SPOCK3: variants seen among roughly 807,000 people sequenced by gnomAD.
The protein encoded by SPOCK3 is testican-3.
Under a neutral mutation model 56.6 loss-of-function variants are expected in SPOCK3, and 30 were observed. That is an observed-to-expected ratio of 0.53 (90% CI 0.40 to 0.72). The LOEUF (loss-of-function observed/expected upper bound fraction) is 0.72, where lower values mean the gene tolerates loss of function less well. Among genes scored for constraint, SPOCK3 ranks in the 30% least tolerant of loss-of-function variants. The probability of loss-of-function intolerance (pLI) is 0.00; values close to 1 mark genes in which losing one functional copy is unlikely to be tolerated. For missense variants in SPOCK3, 527 were observed against 530.0 expected (o/e 0.99, Z 0.06); for synonymous variants, 196 against 183.3 (o/e 1.07, Z -0.56).
chr4:167,158,000 A>C (rs1191921119), intron 2 of SPOCK3, among the ~76,000 whole-genome samples: 2 of 151,984 alleles, frequency 1.3e-5, no homozygotes, highest in Non-Finnish European at 2.9e-5. Context: ...TTAAATGGCA[A>C]ATATGTTTGA....
intron 2 of SPOCK3, among the ~76,000 whole-genome samples, chr4:167,092,369 C>T (rs182690675): frequency 2.0e-5 from 3 of 152,246 alleles, no homozygotes; most frequent in Admixed American, 6.5e-5. Flanking sequence ...CCTTCTGTAA[C>T]GAAGGGTCCC....
At chr4:167,116,588 A>G (rs985431853) in intron 2 of SPOCK3, among the ~76,000 whole-genome samples, 18 of 138,488 alleles carry the variant, frequency 1.3e-4, no homozygotes, top group African/African-American at 3.9e-4. Context: ...ATAGTTTTGT[A>G]TATATATACA....
chr4:167,205,411 TA>T (rs1734103649), intron 2 of SPOCK3, among the ~76,000 whole-genome samples: 2 of 50,082 alleles, frequency 4.0e-5, no homozygotes, highest in Admixed American at 3.9e-4. Flanking sequence ...ATATATTATA[TA>T]TTAAATATAT....
rs530254825 is a variant in SPOCK3, at chr4:166,929,285, G to T, written c.351-16542C>A. ...AGTGCTCTGAGAATACTAGTTTAGG[G>T]GTAATTTCCTATTTCTTCCCACTGC... is the stretch of plus-strand genomic sequence containing the variant. On this transcript the variant is annotated intron_variant, in intron 4 of 10. Transcript: ENST00000357545. Among the ~76,000 whole-genome samples the T allele has an allele frequency of 2.0e-5, 3 of 152,216 alleles. 1 individual carries two copies. The East Asian group carries it at 5.8e-4, about 29-fold the overall frequency.
At chr4:166,944,813 AT>A (rs1741523644) in intron 4 of SPOCK3, among the ~76,000 whole-genome samples, 1 of 152,166 alleles carries the variant, frequency 6.6e-6, no homozygotes, top group Non-Finnish European at 1.5e-5. Flanking sequence ...CTCTAAAGTT[AT>A]TCATTTCCCT....
At chr4:167,125,414 A>G (rs1161857391) in intron 2 of SPOCK3, among the ~76,000 whole-genome samples, 2 of 138,040 alleles carry the variant, frequency 1.4e-5, no homozygotes. Context: ...ACGGTGCTTA[A>G]AAAAAAAAAA....
chr4:166,961,471 G>T (rs1165185396), intron 4 of SPOCK3, among the ~76,000 whole-genome samples: 2 of 151,526 alleles, frequency 1.3e-5, no homozygotes, highest in East Asian at 3.9e-4. Context: ...TGTTCAGCTT[G>T]TCTCTTGAAT....
At position 167,174,420 on chromosome 4, in the gene SPOCK3, T is replaced by C. The variant is rs544252627; in HGVS notation, c.189+59565A>G. Among the ~76,000 whole-genome samples, 7 of 145,720 alleles carry C rather than the reference T, an allele frequency of 4.8e-5. 1 individual carries two copies. The highest frequency in any genetic ancestry group is 1.9e-4 in the African/African-American group (7 of 37,298). On this transcript the variant is annotated intron_variant, in intron 2 of 10. Transcript: ENST00000357545. ...TACTAGTTATACATACACTACAGAT[T>C]ATACTCTAAAATTTTGAAAAAAAAA...
intron 7 of SPOCK3, among the ~76,000 whole-genome samples, chr4:166,771,009 A>G (rs1738864792): frequency 6.7e-6 from 1 of 149,496 alleles, no homozygotes; most frequent in South Asian, 2.1e-4. Context: ...TATATATACA[A>G]TGCTATATAT....
chr4:167,143,945 T>G (rs1763732456), intron 2 of SPOCK3, among the ~76,000 whole-genome samples: 1 of 151,954 alleles, frequency 6.6e-6, no homozygotes, highest in African/African-American at 2.4e-5. Context: ...AGCAGAGGGT[T>G]TAAAAGTCAC....
At chr4:166,881,414 C>T (rs1257880022) in intron 6 of SPOCK3, among the ~76,000 whole-genome samples, 2 of 151,842 alleles carry the variant, frequency 1.3e-5, no homozygotes, top group African/African-American at 4.8e-5. Context: ...TAGAATTGTA[C>T]ATACAGTGTC....
chr4:166,858,674 C>T lies in SPOCK3; in HGVS notation c.589+30456G>A, dbSNP rs527468956. 1.7e-3 allele frequency among the ~76,000 whole-genome samples: 253 copies of T among 152,146 alleles called. 1 individual carries two copies. Among genetic ancestry groups the T allele is most frequent in the Admixed American group, 7.5e-3 (114 of 15,270 alleles). The stretch of plus-strand genomic sequence containing the variant: ...GTGATCATACATGTGGAATGGAGAT[C>T]ATTTACTAAAATTGAAAATAAAATA... On this transcript the variant is annotated intron_variant, in intron 6 of 10. Coordinates refer to ENST00000357545, the MANE Select transcript of SPOCK3 (RefSeq NM_001040159.2).
chr4:166,879,690 G>A (rs759158153), intron 6 of SPOCK3, among the ~76,000 whole-genome samples: 2 of 152,122 alleles, frequency 1.3e-5, no homozygotes, highest in African/African-American at 2.4e-5. Flanking sequence ...GGGAATGGGG[G>A]ATGGAAGACC....
intron 2 of SPOCK3, among the ~76,000 whole-genome samples, chr4:167,074,044 A>G (rs925998329): frequency 1.3e-5 from 2 of 150,900 alleles, no homozygotes; most frequent in Admixed American, 6.6e-5. Flanking sequence ...CAAATAATCA[A>G]CACACTTTCT....
chr4:166,786,987 C>T (rs1184903546), intron 7 of SPOCK3, among the ~76,000 whole-genome samples: 1 of 152,136 alleles, frequency 6.6e-6, no homozygotes, highest in Non-Finnish European at 1.5e-5. Context: ...ATGTGCCAAG[C>T]AGCTCAGCAC....
intron 2 of SPOCK3, among the ~76,000 whole-genome samples, chr4:167,156,123 G>A (rs1764801212): frequency 1.3e-5 from 2 of 152,104 alleles, no homozygotes; most frequent in Admixed American, 6.6e-5. Context: ...TAGTCAATAT[G>A]AGTTGAGATA....
At position 166,858,190 on chromosome 4, in the gene SPOCK3, A is replaced by G. The variant is rs549711895; in HGVS notation, c.589+30940T>C. Among the ~76,000 whole-genome samples the G allele has an allele frequency of 2.6e-5, 4 of 152,302 alleles. No individual in the cohort carries two copies. In the South Asian group the frequency reaches 6.2e-4, roughly 24 times the overall value. ...CATTTCAGACCCAATTTAATACCAC[A>G]TAGATAAGAGTTAGTATCTGGCAGC... On this transcript the variant is annotated intron_variant, in intron 6 of 10. Transcript: ENST00000357545.
chr4:166,916,980 TAA>T (rs2127116593), intron 4 of SPOCK3, among the ~76,000 whole-genome samples: 1 of 152,170 alleles, frequency 6.6e-6, no homozygotes, highest in African/African-American at 2.4e-5. Flanking sequence ...GGTTGGATGT[TAA>T]AAGAGAGAGC....
chr4:166,796,389 C>A (rs756343149), intron 6 of SPOCK3, among the ~76,000 whole-genome samples: 43 of 152,252 alleles, frequency 2.8e-4, no homozygotes, highest in Non-Finnish European at 4.6e-4. Flanking sequence ...AGTTTCAAAT[C>A]AGAGGCAGAG....
Sources: allele counts gnomAD v4.1 joint callset (sites outside exome capture counted in the v4.1 genomes callset), GRCh38; gene constraint gnomAD v4.1.1; transcripts MANE v1.5; gene names NCBI Gene and HGNC (gene_info 2026-07-23, HGNC 2026-07-21).